Variants in LPA observed in about 807,000 individuals in gnomAD.
The protein encoded by LPA is lipoprotein(a).
Under a neutral mutation model 197.9 loss-of-function variants are expected in LPA, and 199 were observed. That is an observed-to-expected ratio of 1.01 (90% CI 0.90 to 1.13). The LOEUF is 1.13. Ranked by LOEUF, LPA falls within the 50% of genes most tolerant of loss-of-function variation. The pLI, the probability that LPA is intolerant of heterozygous loss-of-function variation, is 0.00. For missense variants in LPA, 1,853 were observed against 1,785.8 expected (o/e 1.04, Z -0.68); for synonymous variants, 715 against 639.5 (o/e 1.12, Z -1.78).
At chr6:160,611,042 T>A (rs966622775) in intron 16 of LPA, among the ~76,000 whole-genome samples, 2 of 152,152 alleles carry the variant, frequency 1.3e-5, no homozygotes, top group East Asian at 3.9e-4. Context: ...CTTCTCTTGC[T>A]GGGAACCTCT....
chr6:160,552,949 T>A (rs1255404896), intron 30 of LPA, among the ~76,000 whole-genome samples: 2 of 152,170 alleles, frequency 1.3e-5, no homozygotes, highest in Admixed American at 6.5e-5. Flanking sequence ...ATAAAAGGAC[T>A]ATTCCTCTTA....
chr6:160,552,876 T>C (rs1374230149), intron 30 of LPA, among the ~76,000 whole-genome samples: 3 of 152,218 alleles, frequency 2.0e-5, no homozygotes, highest in Non-Finnish European at 2.9e-5. Flanking sequence ...AATAATGCTA[T>C]GTATTTTCTG....
Position 160,531,687 on chromosome 6 carries a change from A to G in LPA, c.*42T>C. ...CATGCTAAATCCTTACCCACGTTTC[A>G]GCTTCTAAGTAGGTTGATGCTTCAC... On this transcript the variant is annotated 3_prime_UTR_variant, in exon 39 of 39. Coordinates refer to ENST00000316300, the MANE Select transcript of LPA (RefSeq NM_005577.4). 1 of 1,611,722 alleles carries G rather than the reference A, an allele frequency of 6.2e-7. No homozygotes were observed. Among genetic ancestry groups the G allele is most frequent in the South Asian group, 1.1e-5 (1 of 90,994 alleles).
At chr6:160,646,961 G>A (rs143396019) in intron 2 of LPA, among the ~76,000 whole-genome samples, 2,041 of 151,258 alleles carry the variant, frequency 0.013, 49 homozygotes, top group African/African-American at 0.047. Context: ...CCTTTCCCAT[G>A]GAAAAGCATT....
At chr6:160,588,286 T>C (rs533164890) in intron 24 of LPA, among the ~76,000 whole-genome samples, 1 of 152,230 alleles carries the variant, frequency 6.6e-6, no homozygotes, top group African/African-American at 2.4e-5. Flanking sequence ...TGCAGTTAAT[T>C]TACTTGGAGA....
chr6:160,537,211 T>C (rs1036534823), intron 37 of LPA, among the ~76,000 whole-genome samples: 26 of 152,296 alleles, frequency 1.7e-4, no homozygotes, highest in African/African-American at 6.0e-4. Flanking sequence ...TAAAATGTAG[T>C]ACAGGTGCTG....
intron 1 of LPA, among the ~76,000 whole-genome samples, chr6:160,651,836 G>C (rs1475941137): frequency 1.3e-5 from 2 of 152,090 alleles, no homozygotes; most frequent in African/African-American, 4.8e-5. Context: ...CAAAGAGATG[G>C]AAACTATAGA....
intron 1 of LPA, among the ~76,000 whole-genome samples, chr6:160,657,462 G>A (rs1011616731): frequency 6.7e-5 from 10 of 149,766 alleles, no homozygotes; most frequent in East Asian, 2.0e-4. Flanking sequence ...GCAGTGGGGC[G>A]ATCTTGGCTC....
Position 160,579,451 on chromosome 6 carries a change from G to C in LPA, c.4290-747C>G, listed in dbSNP as rs371805895. Among the ~76,000 whole-genome samples, 16 of 152,238 alleles carry C rather than the reference G, an allele frequency of 1.1e-4. No homozygotes were observed. The South Asian group carries it at 3.1e-3, about 30-fold the overall frequency. On this transcript the variant is annotated intron_variant, in intron 26 of 38. Coordinates refer to ENST00000316300, the MANE Select transcript of LPA (RefSeq NM_005577.4). ...ATCCTCTGCTGGCTGCAGCCACTCT[G>C]GGACTGAAGGAATGGGTGATGAGTT...
intron 16 of LPA, among the ~76,000 whole-genome samples, chr6:160,608,486 G>T (rs1292689341): frequency 1.3e-5 from 2 of 152,138 alleles, no homozygotes; most frequent in Non-Finnish European, 2.9e-5. Flanking sequence ...GCAAGAAACA[G>T]CTTGTTTTTC....
intron 18 of LPA, among the ~76,000 whole-genome samples, chr6:160,604,095 C>T (rs757028849): frequency 3.3e-5 from 5 of 152,166 alleles, no homozygotes; most frequent in Admixed American, 6.5e-5. Context: ...GCCAAAGATT[C>T]GAGGAGACTA....
At chr6:160,542,005 G>T (rs887056381) in intron 34 of LPA, among the ~76,000 whole-genome samples, 1 of 152,204 alleles carries the variant, frequency 6.6e-6, no homozygotes, top group Non-Finnish European at 1.5e-5. Flanking sequence ...GAGCACAGGT[G>T]CCCTGGTGTA....
intron 16 of LPA, among the ~76,000 whole-genome samples, chr6:160,608,969 C>A (rs1254937227): frequency 3.9e-5 from 6 of 151,994 alleles, no homozygotes; most frequent in Admixed American, 3.9e-4. Context: ...ATCAGGCAGC[C>A]ATCCAGTAAT....
intron 16 of LPA, among the ~76,000 whole-genome samples, chr6:160,607,692 A>T (rs1309048055): frequency 6.9e-6 from 1 of 144,098 alleles, no homozygotes; most frequent in Non-Finnish European, 1.6e-5. Context: ...GGGATGAAAC[A>T]CTGTCTCTCT....
Position 160,577,230 on chromosome 6 carries a change from T to C in LPA, c.4537A>G (p.Ile1513Val), listed in dbSNP as rs758336014. 4.3e-6 allele frequency: 7 copies of C among 1,613,930 alleles called. No homozygotes were observed. The highest frequency in any genetic ancestry group is 1.7e-5 in the Admixed American group (1 of 60,014). The stretch of plus-strand genomic sequence containing the variant: ...CTTCCTGTGACAGTGGTGGAGGATA[T>C]GCCTCGATAACTCCGTCCATCACCA... ...YHGDGRSYRG[I>V]SSTTVTGRTC... is the part of the protein sequence containing the mutation. The change falls in exon 28 of 39, where the codon ATA becomes GTA. Residue 1513 changes from isoleucine (I) to valine (V), a missense_variant. Coordinates refer to ENST00000316300, the MANE Select transcript of LPA (RefSeq NM_005577.4).
intron 16 of LPA, among the ~76,000 whole-genome samples, chr6:160,609,937 T>C (rs1165782620): frequency 6.6e-6 from 1 of 152,144 alleles, no homozygotes; most frequent in Non-Finnish European, 1.5e-5. Flanking sequence ...CAGTAATTTC[T>C]TCATTTAAGA....
chr6:160,572,064 A>G (rs1778572220), intron 28 of LPA, among the ~76,000 whole-genome samples: 1 of 152,198 alleles, frequency 6.6e-6, no homozygotes, highest in South Asian at 2.1e-4. Flanking sequence ...AAAGCATAGT[A>G]TTTGTGCCAG....
chr6:160,538,919 G>A (rs977024274), intron 36 of LPA, among the ~76,000 whole-genome samples: 7 of 152,192 alleles, frequency 4.6e-5, no homozygotes, highest in African/African-American at 1.7e-4. Flanking sequence ...TGAGGACCAT[G>A]AGGAGCAGAG....
intron 30 of LPA, among the ~76,000 whole-genome samples, chr6:160,550,186 A>G (rs1778145364): frequency 6.8e-6 from 1 of 146,118 alleles, no homozygotes; most frequent in African/African-American, 2.6e-5. Flanking sequence ...GGGCCATTAC[A>G]CTCCTGCCTG....
Sources: gnomAD v4.1 joint callset for allele counts (sites outside exome capture counted in the v4.1 genomes callset) on GRCh38, gnomAD v4.1.1 for gene constraint, MANE v1.5 for transcripts, NCBI Gene and HGNC (gene_info 2026-07-23, HGNC 2026-07-21) for gene names.